Variants in REDIC1 observed in about 807,000 individuals in gnomAD.
REDIC1 encodes the protein HEI10 Interacting Protein 1.
chr12:39,774,662 T>G, the REDIC1 span, among the ~76,000 whole-genome samples: 1 of 152,032 alleles, frequency 6.6e-6, no homozygotes, highest in African/African-American at 2.4e-5. Context: ...CCTATTCTTT[T>G]GTTAATTACT....
At chr12:39,697,862 G>A in the REDIC1 span, among the ~76,000 whole-genome samples, 3 of 151,902 alleles carry the variant, frequency 2.0e-5, no homozygotes, top group South Asian at 2.1e-4. Context: ...ACCACAAAAC[G>A]GCCAAAAAAC....
chr12:39,875,767 TG>T, the REDIC1 span, among the ~76,000 whole-genome samples: 1 of 152,228 alleles, frequency 6.6e-6, no homozygotes, highest in Non-Finnish European at 1.5e-5. Flanking sequence ...CATGGTCTTA[TG>T]GGGAGATACA....
At chr12:39,669,048 C>G in the REDIC1 span, among the ~76,000 whole-genome samples, 1 of 152,178 alleles carries the variant, frequency 6.6e-6, no homozygotes, top group Non-Finnish European at 1.5e-5. Context: ...CTTCTTCTCT[C>G]AACTCATCAA....
chr12:39,721,178 G>T, the REDIC1 span: 2 of 1,613,596 alleles, frequency 1.2e-6, no homozygotes, highest in Non-Finnish European at 1.7e-6. Context: ...GTTTCTCTTT[G>T]CAACCTTGAA....
chr12:39,897,014 G>A, the REDIC1 span, among the ~76,000 whole-genome samples: 875 of 152,198 alleles, frequency 5.7e-3, 11 homozygotes, highest in African/African-American at 0.02. Flanking sequence ...AAAACACTGA[G>A]GAAGAGACCA....
the REDIC1 span, chr12:39,641,142 G>A: frequency 1.1e-4 from 66 of 599,326 alleles, 1 homozygote; most frequent in African/African-American, 1.9e-4. Context: ...GATTAGCCAC[G>A]TATTTTGCTC....
chr12:39,713,420 A>G, the REDIC1 span, among the ~76,000 whole-genome samples: 1 of 8,586 alleles, frequency 1.2e-4, no homozygotes, highest in South Asian at 2.6e-3. Flanking sequence ...ACACATATAC[A>G]TATGTATATA....
the REDIC1 span, among the ~76,000 whole-genome samples, chr12:39,786,917 C>T: frequency 1.3e-5 from 2 of 152,204 alleles, no homozygotes; most frequent in African/African-American, 4.8e-5. Flanking sequence ...CTTGGCATAG[C>T]AGTCATAATA....
the REDIC1 span, chr12:39,692,169 G>A: frequency 7.4e-7 from 1 of 1,357,134 alleles, no homozygotes; most frequent in Non-Finnish European, 9.9e-7. Context: ...CAATTAAATA[G>A]AAATCAGTTA....
At chr12:39,846,452 ACTT>A in the REDIC1 span, among the ~76,000 whole-genome samples, 1 of 152,064 alleles carries the variant, frequency 6.6e-6, no homozygotes, top group Non-Finnish European at 1.5e-5. Flanking sequence ...AATTCACTTA[ACTT>A]CTTCATTTTT....
the REDIC1 span, among the ~76,000 whole-genome samples, chr12:39,718,263 A>AG: frequency 6.6e-6 from 1 of 152,222 alleles, no homozygotes; most frequent in Non-Finnish European, 1.5e-5. Flanking sequence ...TCCCTAATCT[A>AG]GAGGCTGAAT....
chr12:39,685,436 C>G, the REDIC1 span, among the ~76,000 whole-genome samples: 1 of 152,064 alleles, frequency 6.6e-6, no homozygotes, highest in African/African-American at 2.4e-5. Context: ...GTGCCACAGA[C>G]TTTTAAATGA....
At chr12:39,701,414 C>T in the REDIC1 span, among the ~76,000 whole-genome samples, 2 of 152,206 alleles carry the variant, frequency 1.3e-5, no homozygotes, top group Non-Finnish European at 2.9e-5. Context: ...GCACCCAATA[C>T]AGGAGCACCC....
chr12:39,646,359 T>C, the REDIC1 span: 1 of 1,396,512 alleles, frequency 7.2e-7, no homozygotes, highest in Non-Finnish European at 9.4e-7. Flanking sequence ...CATGTGAACA[T>C]GAATAGAGAC....
At chr12:39,653,572 T>TCTTCTTCTTCTTCTTCTTTTTCTTCTTC in the REDIC1 span, among the ~76,000 whole-genome samples, 10 of 72,876 alleles carry the variant, frequency 1.4e-4, no homozygotes, top group African/African-American at 3.5e-4. Context: ...TTCTTCTTCT[T>TCTTCTTCTTCTTCTTCTTTTTCTTCTTC]TTTCTTCCTC....
At chr12:39,656,466 A>G in the REDIC1 span, among the ~76,000 whole-genome samples, 5 of 152,228 alleles carry the variant, frequency 3.3e-5, no homozygotes, top group Non-Finnish European at 7.3e-5. Context: ...CATAGCATAT[A>G]CAATTATGTA....
At chr12:39,768,680 G>A in the REDIC1 span, among the ~76,000 whole-genome samples, 3 of 152,058 alleles carry the variant, frequency 2.0e-5, no homozygotes, top group South Asian at 4.2e-4. Context: ...CGTCTTATAC[G>A]GGTGCAGTTT....
At chr12:39,878,626 G>A in the REDIC1 span, among the ~76,000 whole-genome samples, 28 of 152,154 alleles carry the variant, frequency 1.8e-4, no homozygotes, top group African/African-American at 6.8e-4. Flanking sequence ...GCTTCTAACA[G>A]CTTATCCTCA....
chr12:39,865,181 T>C, the REDIC1 span, among the ~76,000 whole-genome samples: 2 of 152,218 alleles, frequency 1.3e-5, no homozygotes, highest in Admixed American at 6.5e-5. Context: ...GCACACCTAG[T>C]ATTGCTGAAA....
Sources: allele counts gnomAD v4.1 joint callset (sites outside exome capture counted in the v4.1 genomes callset), GRCh38; gene constraint gnomAD v4.1.1; transcripts MANE v1.5; gene names NCBI Gene and HGNC (gene_info 2026-07-23, HGNC 2026-07-21).